Variants in DRC5 observed in about 807,000 individuals in gnomAD.
The protein encoded by DRC5 is dynein regulatory complex subunit 5.
At chr6:44,288,318 A>G in the DRC5 span, among the ~76,000 whole-genome samples, 2 of 152,158 alleles carry the variant, frequency 1.3e-5, no homozygotes, top group African/African-American at 4.8e-5. Flanking sequence ...TTTTTCAGAA[A>G]AGGCTTTTTC....
At chr6:44,282,646 A>C in the DRC5 span, 1 of 1,223,132 alleles carries the variant, frequency 8.2e-7, no homozygotes, top group Middle Eastern at 2.2e-4. Context: ...TGGCTCACCT[A>C]GTGTTGGCCA....
At chr6:44,287,780 A>G in the DRC5 span, 6 of 1,614,072 alleles carry the variant, frequency 3.7e-6, no homozygotes, top group Non-Finnish European at 5.1e-6. Flanking sequence ...GAGACTGAGG[A>G]GTGGCTGGGG....
chr6:44,282,320 G>A, the DRC5 span: 2 of 1,614,106 alleles, frequency 1.2e-6, no homozygotes, highest in African/African-American at 1.3e-5. Context: ...AAATGAGGTT[G>A]GTGTTGTGTG....
At chr6:44,290,237 A>T in the DRC5 span, among the ~76,000 whole-genome samples, 1 of 152,152 alleles carries the variant, frequency 6.6e-6, no homozygotes, top group Non-Finnish European at 1.5e-5. Context: ...TTTGTCAGTT[A>T]TGTGCTTTGT....
chr6:44,291,530 G>A, the DRC5 span, among the ~76,000 whole-genome samples: 7 of 152,296 alleles, frequency 4.6e-5, no homozygotes, highest in East Asian at 3.9e-4. Flanking sequence ...ACCCTTTGGC[G>A]TGCCACTCTC....
the DRC5 span, chr6:44,286,051 G>C: frequency 6.2e-7 from 1 of 1,614,162 alleles, no homozygotes; most frequent in African/African-American, 1.3e-5. Context: ...CGAAATTCAT[G>C]CCGCAGTCCT....
the DRC5 span, chr6:44,280,348 T>C: frequency 6.2e-7 from 1 of 1,613,842 alleles, no homozygotes; most frequent in Non-Finnish European, 8.5e-7. Context: ...TCCAGGAGGG[T>C]CTTGTTGTCT....
chr6:44,284,550 C>T, the DRC5 span, among the ~76,000 whole-genome samples: 1 of 152,126 alleles, frequency 6.6e-6, no homozygotes, highest in Non-Finnish European at 1.5e-5. Flanking sequence ...TTTGAGATGC[C>T]TCAAACTGAA....
At chr6:44,283,474 G>T in the DRC5 span, among the ~76,000 whole-genome samples, 1 of 152,154 alleles carries the variant, frequency 6.6e-6, no homozygotes, top group Non-Finnish European at 1.5e-5. Context: ...TCACCTTCCC[G>T]CTGGCTTGTC....
the DRC5 span, chr6:44,286,475 A>T: frequency 6.2e-7 from 1 of 1,614,074 alleles, no homozygotes; most frequent in Non-Finnish European, 8.5e-7. Context: ...GTCAGGGGAC[A>T]GGTGGTTCAG....
chr6:44,287,720 G>A, the DRC5 span: 11 of 1,614,086 alleles, frequency 6.8e-6, no homozygotes, highest in Middle Eastern at 1.6e-4. Context: ...TTTGAGAGCT[G>A]TGGGCTTGTG....
the DRC5 span, among the ~76,000 whole-genome samples, chr6:44,280,583 A>G: frequency 3.6e-3 from 541 of 152,384 alleles, 3 homozygotes; most frequent in African/African-American, 0.012. Context: ...CTAAATTGAC[A>G]TCTCAACCCT....
chr6:44,280,926 A>G, the DRC5 span, among the ~76,000 whole-genome samples: 1 of 152,232 alleles, frequency 6.6e-6, no homozygotes. Flanking sequence ...CAACCCTCTA[A>G]TTCTGGTTGT....
At chr6:44,282,517 G>A in the DRC5 span, 13 of 1,602,642 alleles carry the variant, frequency 8.1e-6, no homozygotes, top group East Asian at 8.9e-5. Flanking sequence ...ATTATGATGC[G>A]TGCCTTGTCA....
the DRC5 span, among the ~76,000 whole-genome samples, chr6:44,284,621 T>C: frequency 4.1e-4 from 62 of 152,180 alleles, no homozygotes; most frequent in Non-Finnish European, 1.5e-4. Flanking sequence ...CTGCACATGG[T>C]CCCTCCAGCC....
At chr6:44,290,545 G>A in the DRC5 span, among the ~76,000 whole-genome samples, 11 of 152,174 alleles carry the variant, frequency 7.2e-5, no homozygotes, top group Admixed American at 2.0e-4. Flanking sequence ...GTGATGTGAA[G>A]GGCAAGGAGG....
chr6:44,282,066 T>C, the DRC5 span: 1 of 1,570,748 alleles, frequency 6.4e-7, no homozygotes, highest in South Asian at 1.2e-5. Flanking sequence ...CCCTGGCAGT[T>C]GGATTCCACA....
At chr6:44,294,952 A>C in the DRC5 span, among the ~76,000 whole-genome samples, 1 of 152,058 alleles carries the variant, frequency 6.6e-6, no homozygotes, top group Non-Finnish European at 1.5e-5. Flanking sequence ...CTGAGGGTGC[A>C]AGTAGGTGGC....
the DRC5 span, among the ~76,000 whole-genome samples, chr6:44,283,890 C>T: frequency 6.6e-6 from 1 of 152,210 alleles, no homozygotes; most frequent in Non-Finnish European, 1.5e-5. Flanking sequence ...TCTCCTCTTG[C>T]CTTCTCAGTC....
Sources: gnomAD v4.1 joint callset for allele counts (sites outside exome capture counted in the v4.1 genomes callset) on GRCh38, gnomAD v4.1.1 for gene constraint, MANE v1.5 for transcripts, NCBI Gene and HGNC (gene_info 2026-07-23, HGNC 2026-07-21) for gene names.